Variants in CLINT1 observed in about 807,000 individuals in gnomAD.
CLINT1 encodes clathrin interacting protein localized in the trans-Golgi region.
CLINT1 carries 15 observed loss-of-function variants against 70.4 expected under a neutral mutation model. The observed-to-expected ratio is 0.21, with a 90% CI of 0.14 to 0.33. The LOEUF (loss-of-function observed/expected upper bound fraction) is 0.33, where lower values mean the gene tolerates loss of function less well. Among genes scored for constraint, CLINT1 ranks in the 10% least tolerant of loss-of-function variants. The pLI is 1.00. For missense variants in CLINT1, 615 were observed against 778.1 expected (o/e 0.79, Z 2.49); for synonymous variants, 227 against 254.7 (o/e 0.89, Z 1.04).
chr5:157,807,221 C>T (rs1338697664), intron 6 of CLINT1, among the ~76,000 whole-genome samples: 7 of 152,048 alleles, frequency 4.6e-5, no homozygotes, highest in African/African-American at 7.2e-5. Flanking sequence ...ACTTCCCACA[C>T]AGAGCAAAGG....
chr5:157,797,203 T>C (rs1488134029), intron 8 of CLINT1, among the ~76,000 whole-genome samples: 2 of 152,204 alleles, frequency 1.3e-5, no homozygotes, highest in Non-Finnish European at 2.9e-5. Context: ...TGTAAAGTAG[T>C]CCTTTATGTT....
chr5:157,797,544 C>T (rs112174865), intron 8 of CLINT1, among the ~76,000 whole-genome samples: 19,884 of 152,108 alleles, frequency 0.13, 1,532 homozygotes, highest in Non-Finnish European at 0.19. Context: ...TGCCACCACG[C>T]CCAACTAATT....
In CLINT1 at chr5:157,787,375, GTT is replaced by G. The variant is rs762955509; in HGVS notation, c.*269_*270del. Reference sequence around the variant, plus strand: ...ATTATGCTGTTAAATGGACTCTTCAGTTGATAAAGGCTTTCAATGGTCTCACC... The same window carrying G: ...ATTATGCTGTTAAATGGACTCTTCAGGATAAAGGCTTTCAATGGTCTCACC... On this transcript the variant is annotated 3_prime_UTR_variant, in exon 12 of 12. Coordinates refer to ENST00000411809, the MANE Select transcript of CLINT1 (RefSeq NM_014666.4). The G allele has an allele frequency of 9.2e-4, 420 of 456,096 alleles. No homozygotes were observed. Among genetic ancestry groups the G allele is most frequent in the South Asian group, 1.4e-3 (48 of 34,326 alleles). The allele number at this position is 456,096 out of a possible 1,614,324, so 28.3% of individuals were successfully genotyped here.
At chr5:157,828,926 T>C (rs1393324864) in intron 1 of CLINT1, among the ~76,000 whole-genome samples, 5 of 124,664 alleles carry the variant, frequency 4.0e-5, no homozygotes, top group Non-Finnish European at 8.2e-5. Flanking sequence ...CTGTCTCTAC[T>C]TAAAAAAAAA....
intron 1 of CLINT1, among the ~76,000 whole-genome samples, chr5:157,843,853 G>A (rs556602704): frequency 1.6e-4 from 24 of 152,276 alleles, no homozygotes; most frequent in African/African-American, 5.1e-4. Context: ...TGAAAATTAC[G>A]TCTTTGCAGA....
At chr5:157,823,418 T>G (rs532009801) in intron 1 of CLINT1, among the ~76,000 whole-genome samples, 283 of 152,344 alleles carry the variant, frequency 1.9e-3, no homozygotes, top group African/African-American at 6.7e-3. Flanking sequence ...GTAGACCACA[T>G]GAATATTATC....
At chr5:157,793,531 T>G (rs1581475350) in intron 9 of CLINT1, among the ~76,000 whole-genome samples, 1 of 152,136 alleles carries the variant, frequency 6.6e-6, no homozygotes, top group Non-Finnish European at 1.5e-5. Flanking sequence ...TGCATACAGA[T>G]GAAGAGATGT....
In CLINT1 at chr5:157,787,568, G is replaced by T; in HGVS notation, c.*78C>A. 2 of 1,129,512 alleles carry T rather than the reference G, an allele frequency of 1.8e-6. No homozygotes were observed. The highest frequency in any genetic ancestry group is 2.4e-5 in the East Asian group (1 of 42,420). 70.0% of individuals were successfully genotyped at this position (1,129,512 alleles called of 1,614,324 possible). ...TTACTTGATAAAAGAAAGGGTAGTT[G>T]ATTAGCATTTTCCATCCCAACATCA... On this transcript the variant is annotated 3_prime_UTR_variant, in exon 12 of 12. Transcript: ENST00000411809.
In CLINT1 at chr5:157,814,219, A is replaced by G; in HGVS notation, c.318T>C (p.Tyr106=). The change falls in exon 4 of 12, where the codon TAT becomes TAC. Residue 106 remains tyrosine, a synonymous_variant. Coordinates refer to ENST00000411809, the MANE Select transcript of CLINT1 (RefSeq NM_014666.4). ...GGTAATTTTCCAGGGATCGTAAATC[A>G]TAAATGTGTTCTCTGGCACTTGTAA... The part of the protein sequence containing the change: ...RVVTSAREHI[Y]DLRSLENYHF... The G allele has an allele frequency of 6.2e-7, 1 of 1,610,460 alleles. No homozygotes were observed. The highest frequency in any genetic ancestry group is 1.7e-4 in the Middle Eastern group (1 of 6,048).
chr5:157,820,393 G>A (rs537583639), intron 1 of CLINT1, among the ~76,000 whole-genome samples: 2 of 152,140 alleles, frequency 1.3e-5, no homozygotes, highest in Non-Finnish European at 2.9e-5. Context: ...AGGCTACAGA[G>A]AACAAGACCC....
Position 157,791,743 on chromosome 5 carries a change from G to T in CLINT1, c.1340C>A (p.Thr447Asn). 1 of 1,614,050 alleles carries T rather than the reference G, an allele frequency of 6.2e-7. No individual in the cohort carries two copies. The highest frequency in any genetic ancestry group is 8.5e-7 in the Non-Finnish European group (1 of 1,179,886). The change falls in exon 10 of 12, where the codon ACT becomes AAT. Residue 447 changes from threonine to asparagine, a missense_variant. By Grantham distance (65) the Thr-to-Asn change is moderately conservative. Transcript: ENST00000411809. ...AGGCAAACCAAGTCCCACAGTGTTA[G>T]TGCTCATCATAGAGAAATTCATACT... Reference protein sequence around the residue: ...SQSMNFSMMSTNTVGLGLPMS... With the variant: ...SQSMNFSMMSNNTVGLGLPMS...
chr5:157,839,670 A>T lies in CLINT1; in HGVS notation c.41+19260T>A, dbSNP rs113708559. Among the ~76,000 whole-genome samples, 1,073 of 152,152 alleles carry T rather than the reference A, an allele frequency of 7.1e-3. 13 individuals are homozygous for T. The highest frequency in any genetic ancestry group is 0.025 in the African/African-American group (1,025 of 41,510). On this transcript the variant is annotated intron_variant, in intron 1 of 11. Coordinates refer to ENST00000411809, the MANE Select transcript of CLINT1 (RefSeq NM_014666.4). ...GTCCCATGTGCCAACTCTGGACTAC[A>T]GGTGATCCTGCATATCAAGAAGTTC...
intron 8 of CLINT1, among the ~76,000 whole-genome samples, chr5:157,802,075 AG>A (rs1762241238): frequency 6.6e-6 from 1 of 152,092 alleles, no homozygotes; most frequent in African/African-American, 2.4e-5. Context: ...TTGTAGTTTT[AG>A]TAGAGACAGG....
chr5:157,839,618 A>C lies in CLINT1; in HGVS notation c.41+19312T>G, dbSNP rs188629749. Among the ~76,000 whole-genome samples the C allele has an allele frequency of 9.1e-3, 1,338 of 147,620 alleles. 27 individuals are homozygous for C. The highest frequency in any genetic ancestry group is 0.029 in the African/African-American group (1,122 of 38,660). On this transcript the variant is annotated intron_variant, in intron 1 of 11. Transcript: ENST00000411809. ...TCAGTCTTAAATAAAATAAAAAAAA[A>C]AAACAAACAAAAAAAAACAGAACTT...
Position 157,787,518 on chromosome 5 carries a change from G to T in CLINT1, c.*128C>A. ...TTCACTTTTATAAAACAGCCTTTTTGGTTCTTTATGTAGATTTATTTTAAT... is the reference window on the plus strand; with the variant it reads ...TTCACTTTTATAAAACAGCCTTTTTTGTTCTTTATGTAGATTTATTTTAAT... On this transcript the variant is annotated 3_prime_UTR_variant, in exon 12 of 12. Transcript: ENST00000411809. 2.4e-6 allele frequency: 2 copies of T among 832,924 alleles called. No individual in the cohort carries two copies. The highest frequency in any genetic ancestry group is 3.8e-6 in the Non-Finnish European group (2 of 529,494). 51.6% of individuals were successfully genotyped at this position (832,924 alleles called of 1,614,324 possible).
rs918147864 is a variant in CLINT1, at chr5:157,786,521, A to G, written c.*1125T>C. On this transcript the variant is annotated 3_prime_UTR_variant, in exon 12 of 12. Transcript: ENST00000411809. ...TCATGTGAGCTTAATGCAGAATTAC[A>G]GCAGAAAAACAAAAACATTTTCATT... 6.5e-6 allele frequency: 1 copy of G among 152,722 alleles called. No individual in the cohort carries two copies. The highest frequency in any genetic ancestry group is 2.1e-4 in the South Asian group (1 of 4,830). The allele number at this position is 152,722 out of a possible 1,614,324, so 9.5% of individuals were successfully genotyped here. A position where few individuals can be genotyped will look rare whatever the true frequency, so the allele number is the denominator to read the frequency against.
chr5:157,824,798 C>A (rs1466408713), intron 1 of CLINT1, among the ~76,000 whole-genome samples: 1 of 152,148 alleles, frequency 6.6e-6, no homozygotes, highest in Non-Finnish European at 1.5e-5. Flanking sequence ...ACTATTAGGT[C>A]TTTTAATTCC....
chr5:157,855,935 C>CA (rs879560600), intron 1 of CLINT1, among the ~76,000 whole-genome samples: 68 of 134,646 alleles, frequency 5.1e-4, no homozygotes, highest in African/African-American at 6.0e-4. Flanking sequence ...AACCCCATCT[C>CA]AAAAAAAAAA....
At chr5:157,819,342 A>G (rs1004118855) in intron 1 of CLINT1, among the ~76,000 whole-genome samples, 6 of 152,342 alleles carry the variant, frequency 3.9e-5, no homozygotes, top group African/African-American at 1.4e-4. Context: ...CTCCTAAGAT[A>G]TCAATTAATG....
Sources: allele counts gnomAD v4.1 joint callset (sites outside exome capture counted in the v4.1 genomes callset), GRCh38; gene constraint gnomAD v4.1.1; transcripts MANE v1.5; gene names NCBI Gene and HGNC (gene_info 2026-07-23, HGNC 2026-07-21).